ABLIM2: variants seen among roughly 807,000 people sequenced by gnomAD.
ABLIM2 encodes actin binding LIM protein family member 2.
In ABLIM2, 53 loss-of-function variants were observed where a neutral mutation model predicts 97.7. That is an observed-to-expected ratio of 0.54 (90% CI 0.44 to 0.68). The LOEUF (loss-of-function observed/expected upper bound fraction) is 0.68. Ranked by LOEUF, ABLIM2 falls within the 30% of genes least tolerant of loss-of-function variation. ABLIM2 has a pLI of 0.00. For synonymous variants in ABLIM2, 361 were observed against 345.8 expected, an observed-to-expected ratio of 1.04 and a Z score of -0.49; for missense variants, 835 against 867.2, an observed-to-expected ratio of 0.96 and a Z score of 0.47.
chr4:8,057,721 C>T lies in ABLIM2; in HGVS notation c.763+3246G>A, dbSNP rs574705994. On this transcript the variant is annotated intron_variant, in intron 7 of 20. Transcript: ENST00000447017. ...CACCCCATGTTTATGGGAAAGTCCG[C>T]GGCAGGAACGGTGGTGGCATTGCGG... Among the ~76,000 whole-genome samples the T allele has an allele frequency of 4.6e-5, 7 of 152,326 alleles. 1 individual carries two copies. The East Asian group carries it at 1.2e-3, about 25-fold the overall frequency.
Position 8,140,058 on chromosome 4 carries a change from C to T in ABLIM2, c.10+18622G>A, listed in dbSNP as rs1456500240. 2.9e-5 allele frequency among the ~76,000 whole-genome samples: 4 copies of T among 136,254 alleles called. No individual in the cohort carries two copies. The highest frequency in any genetic ancestry group is 2.3e-4 in the South Asian group (1 of 4,412). 89.4% of individuals were successfully genotyped at this position (136,254 alleles called of 152,430 possible). A position where few individuals can be genotyped will look rare whatever the true frequency, so the allele number is the denominator to read the frequency against. On this transcript the variant is annotated intron_variant, in intron 1 of 20. Transcript: ENST00000447017. The surrounding 1 kb of genome is among the most constrained non-coding windows in gnomAD (Gnocchi z 5.9). Reference sequence around the variant, plus strand: ...ACAAGTGGGAGCTGAACAGTGAGAACACATGGAAACGGGGAGACGAACAAC... The same window carrying T: ...ACAAGTGGGAGCTGAACAGTGAGAATACATGGAAACGGGGAGACGAACAAC...
At chr4:8,151,935 G>A (rs1241572630) in intron 1 of ABLIM2, among the ~76,000 whole-genome samples, 1 of 152,092 alleles carries the variant, frequency 6.6e-6, no homozygotes. Context: ...TCCTTCTCAG[G>A]CCCAGGCTAT....
chr4:8,051,060 T>A (rs1360424581), intron 8 of ABLIM2, among the ~76,000 whole-genome samples: 1 of 152,212 alleles, frequency 6.6e-6, no homozygotes, highest in African/African-American at 2.4e-5. Context: ...CTGGCATCAG[T>A]GGGGACAGTG....
At chr4:8,076,197 C>T (rs1339061516) in intron 6 of ABLIM2, among the ~76,000 whole-genome samples, 3 of 152,224 alleles carry the variant, frequency 2.0e-5, no homozygotes, top group South Asian at 4.1e-4. Flanking sequence ...CCACCCGTCT[C>T]CCCGCCAGGT....
intron 1 of ABLIM2, among the ~76,000 whole-genome samples, chr4:8,133,231 T>A (rs531099102): frequency 6.6e-6 from 1 of 152,258 alleles, no homozygotes; most frequent in South Asian, 2.1e-4. Flanking sequence ...ACGAGTTCCA[T>A]CCCGCAATGA....
chr4:8,099,967 A>G (rs1407451851), intron 2 of ABLIM2, among the ~76,000 whole-genome samples: 1 of 152,238 alleles, frequency 6.6e-6, no homozygotes, highest in East Asian at 1.9e-4. Flanking sequence ...CTTATATTGC[A>G]TTTTGCAATT....
At position 8,023,528 on chromosome 4, in the gene ABLIM2, G is replaced by A. The variant is rs537186283; in HGVS notation, c.1268-3225C>T. Reference sequence around the variant, plus strand: ...CTGCTGTCAGCAGAGCGGATCACTGGCCGTGGCGGCCTTGCTGACCGGGTC... The same window carrying A: ...CTGCTGTCAGCAGAGCGGATCACTGACCGTGGCGGCCTTGCTGACCGGGTC... On this transcript the variant is annotated intron_variant, in intron 12 of 20. Transcript: ENST00000447017. The surrounding 1 kb of genome is among the most constrained non-coding windows in gnomAD (Gnocchi z 5.7). 1.2e-4 allele frequency among the ~76,000 whole-genome samples: 18 copies of A among 152,330 alleles called. No homozygotes were observed. The highest frequency in any genetic ancestry group is 4.3e-4 in the African/African-American group (18 of 41,584).
chr4:8,073,711 G>A (rs776232970), intron 6 of ABLIM2, among the ~76,000 whole-genome samples: 3 of 152,166 alleles, frequency 2.0e-5, no homozygotes, highest in Admixed American at 6.5e-5. Flanking sequence ...TGATCCACCC[G>A]CACAGAAGGC....
rs1011257744 is a variant in ABLIM2 at position 8,072,973 on chromosome 4, A to G, written c.675+4655T>C. On this transcript the variant is annotated intron_variant, in intron 6 of 20. Coordinates refer to ENST00000447017, the MANE Select transcript of ABLIM2 (RefSeq NM_001130083.2). This position sits in a 1 kb window ranked among gnomAD's most constrained non-coding sequence, Gnocchi z 5.8. ...AGAGCAGGGAGAGTACAGGTGGAGG[A>G]GCACAGAGAGGGTCTCTGAGAGGCA... Among the ~76,000 whole-genome samples the G allele has an allele frequency of 3.9e-5, 6 of 152,098 alleles. No homozygotes were observed. The highest frequency in any genetic ancestry group is 1.4e-4 in the African/African-American group (6 of 41,416).
rs1791196146 is a variant in ABLIM2, at chr4:8,044,784, A to G, written c.900+380T>C. On this transcript the variant is annotated intron_variant, in intron 9 of 20. Transcript: ENST00000447017. The surrounding 1 kb of genome is among the most constrained non-coding windows in gnomAD (Gnocchi z 4.4). ...GGAGAGCGTGCGTGTTGATGTACACAGATCCGTGCCGTTATTTGCAAACTC... is the reference window on the plus strand; with the variant it reads ...GGAGAGCGTGCGTGTTGATGTACACGGATCCGTGCCGTTATTTGCAAACTC... 6.6e-6 allele frequency among the ~76,000 whole-genome samples: 1 copy of G among 152,118 alleles called. No homozygotes were observed. Among genetic ancestry groups the G allele is most frequent in the Admixed American group, 6.5e-5 (1 of 15,270 alleles).
At chr4:8,118,124 C>A (rs369496416) in intron 1 of ABLIM2, among the ~76,000 whole-genome samples, 5 of 152,234 alleles carry the variant, frequency 3.3e-5, no homozygotes, top group African/African-American at 1.2e-4. Context: ...AGGAAGGCTG[C>A]GGCTGTACTG....
In ABLIM2 at chr4:7,968,802, C is replaced by T. The variant is rs73090368; in HGVS notation, c.1825-1699G>A. Among the ~76,000 whole-genome samples the T allele has an allele frequency of 2.7e-3, 412 of 152,204 alleles. 5 individuals carry two copies. Among genetic ancestry groups the T allele is most frequent in the African/African-American group, 9.6e-3 (398 of 41,514 alleles). ...GAGCTGGAGAGTGGGGTTGGTGGCA[C>T]AATGTTGTGAATACACTGAACTGTA... On this transcript the variant is annotated intron_variant, in intron 20 of 20. Coordinates refer to ENST00000447017, the MANE Select transcript of ABLIM2 (RefSeq NM_001130083.2).
intron 3 of ABLIM2, among the ~76,000 whole-genome samples, chr4:8,094,698 T>C (rs1432391141): frequency 6.6e-6 from 1 of 152,180 alleles, no homozygotes; most frequent in Non-Finnish European, 1.5e-5. Context: ...CCTTTTAGGT[T>C]TTACTTCTTC....
At position 7,992,780 on chromosome 4, in the gene ABLIM2, G is replaced by T; in HGVS notation, c.1680+86C>A. On this transcript the variant is annotated intron_variant, in intron 17 of 20. Coordinates refer to ENST00000447017, the MANE Select transcript of ABLIM2 (RefSeq NM_001130083.2). This position sits in a 1 kb window ranked among gnomAD's most constrained non-coding sequence, Gnocchi z 5.7. Reference sequence around the variant, plus strand: ...CGGGGTCCCCGGGGCCTCTCCTCCTGCTGTGTGGTCAAGAAGCTGTGGGAA... The same window carrying T: ...CGGGGTCCCCGGGGCCTCTCCTCCTTCTGTGTGGTCAAGAAGCTGTGGGAA... 2.0e-6 allele frequency: 3 copies of T among 1,474,436 alleles called. No individual in the cohort carries two copies. The highest frequency in any genetic ancestry group is 1.9e-6 in the Non-Finnish European group (2 of 1,073,150). The allele number at this position is 1,474,436 out of a possible 1,614,324, so 91.3% of individuals were successfully genotyped here. A position where few individuals can be genotyped will look rare whatever the true frequency, so the allele number is the denominator to read the frequency against.
chr4:8,071,780 C>T lies in ABLIM2; in HGVS notation c.675+5848G>A. The T allele has an allele frequency of 1.0e-6, 1 of 984,390 alleles. No homozygotes were observed. The highest frequency in any genetic ancestry group is 1.2e-4 in the East Asian group (1 of 8,690). The allele number at this position is 984,390 out of a possible 1,614,324, so 61.0% of individuals were successfully genotyped here. On this transcript the variant is annotated intron_variant, in intron 6 of 20. Transcript: ENST00000447017. This position sits in a 1 kb window ranked among gnomAD's most constrained non-coding sequence, Gnocchi z 6.2. ...GCCAGGTTTCCTACCTGCACAGCTT[C>T]TGGGCACCAGAGCCCAGTCTGACGG...
chr4:8,127,877 G>T lies in ABLIM2; in HGVS notation c.11-21240C>A, dbSNP rs1304658134. ...GGGGGAGGAGTGGTGGGGGTGGGGAGCATCTGCTGACCCTTCCTCCATGTG... is the reference window on the plus strand; with the variant it reads ...GGGGGAGGAGTGGTGGGGGTGGGGATCATCTGCTGACCCTTCCTCCATGTG... On this transcript the variant is annotated intron_variant, in intron 1 of 20. Coordinates refer to ENST00000447017, the MANE Select transcript of ABLIM2 (RefSeq NM_001130083.2). The surrounding 1 kb of genome is among the most constrained non-coding windows in gnomAD (Gnocchi z 7.3). Among the ~76,000 whole-genome samples the T allele has an allele frequency of 6.6e-6, 1 of 152,158 alleles. No individual in the cohort carries two copies. Among genetic ancestry groups the T allele is most frequent in the African/African-American group, 2.4e-5 (1 of 41,442 alleles).
At chr4:8,020,015 T>C (rs1772382607) in intron 13 of ABLIM2, among the ~76,000 whole-genome samples, 187 bp downstream of exon 13, 1 of 151,070 alleles carries the variant, frequency 6.6e-6, no homozygotes, top group African/African-American at 2.4e-5. Flanking sequence ...CAAACACACA[T>C]CGGTTTGGGG....
chr4:8,060,393 G>A (rs755759627), intron 7 of ABLIM2, among the ~76,000 whole-genome samples: 1 of 152,118 alleles, frequency 6.6e-6, no homozygotes, highest in Non-Finnish European at 1.5e-5. Flanking sequence ...ATTTCCCATG[G>A]GGCCTGTTAG....
chr4:8,121,409 C>G (rs1163131544), intron 1 of ABLIM2, among the ~76,000 whole-genome samples: 1 of 152,254 alleles, frequency 6.6e-6, no homozygotes, highest in Non-Finnish European at 1.5e-5. Context: ...CACCCACATT[C>G]CTGGAGGGTG....
Sources: gnomAD v4.1 joint callset for allele counts (sites outside exome capture counted in the v4.1 genomes callset) on GRCh38, gnomAD v4.1.1 for gene constraint, Gnocchi (gnomAD v3.1) non-coding constraint, MANE v1.5 for transcripts, NCBI Gene and HGNC (gene_info 2026-07-23, HGNC 2026-07-21) for gene names.